Variants in TENM1 observed in about 807,000 individuals in gnomAD.
TENM1 encodes the protein teneurin-1.
In TENM1, 35 loss-of-function variants were observed where a neutral mutation model predicts 174.8. The ratio of observed to expected loss-of-function variants is 0.20; its 90% CI spans 0.15 to 0.27. TENM1 has a LOEUF of 0.27. Ranked by LOEUF, TENM1 falls within the 10% of genes least tolerant of loss-of-function variation. The pLI, the probability that TENM1 is intolerant of heterozygous loss-of-function variation, is 1.00. For missense variants in TENM1, 1,633 were observed against 2,130.1 expected (o/e 0.77, Z 4.59); for synonymous variants, 781 against 798.7 (o/e 0.98, Z 0.37).
Position 124,384,208 on chromosome X carries a change from C to T in TENM1, c.6723G>A (p.Leu2241=), listed in dbSNP as rs201176122. ...CAGAAGCCTTATTGTAGGCTTTCTG[C>T]AGCAGGCCATTAGAATTATATTCAA... Residue 2241 remains leucine, a synonymous_variant, in exon 30 of 32, where the codon CTG becomes CTA. Transcript: ENST00000422452. 71 of 1,209,369 alleles carry T rather than the reference C, an allele frequency of 5.9e-5. 1 individual carries two copies. In the East Asian group the frequency reaches 1.9e-3, roughly 32 times the overall value.
At chrX:125,053,624 G>A in the TENM1 span, among the ~76,000 whole-genome samples, 1 of 111,908 alleles carries the variant, frequency 8.9e-6, no homozygotes, top group African/African-American at 3.2e-5. Flanking sequence ...TTCAACCAGA[G>A]TAGCTTTTAT....
intron 1 of TENM1, among the ~76,000 whole-genome samples, chrX:124,920,508 C>T (rs986986080): frequency 1.8e-5 from 2 of 111,406 alleles, no homozygotes; most frequent in African/African-American, 6.5e-5. Context: ...TGCACTCTTG[C>T]TTTATTCTTT....
intron 5 of TENM1, among the ~76,000 whole-genome samples, chrX:124,689,733 G>A (rs528923895): frequency 1.4e-4 from 16 of 110,690 alleles, no homozygotes; most frequent in African/African-American, 4.6e-4. Flanking sequence ...CCTAATGGAT[G>A]GATGAAACCA....
At chrX:124,391,038 A>T (rs1362947774) in intron 28 of TENM1, among the ~76,000 whole-genome samples, 1 of 112,041 alleles carries the variant, frequency 8.9e-6, no homozygotes, top group African/African-American at 3.2e-5. Flanking sequence ...TTCTCCAGCA[A>T]CAAACTCTGG....
At chrX:125,104,183 G>T in the TENM1 span, among the ~76,000 whole-genome samples, 2 of 111,464 alleles carry the variant, frequency 1.8e-5, no homozygotes. Context: ...CCTTGATCAA[G>T]GTACTTAACC....
intron 5 of TENM1, among the ~76,000 whole-genome samples, chrX:124,680,497 G>A (rs1381326608): frequency 9.0e-6 from 1 of 110,607 alleles, no homozygotes; most frequent in Non-Finnish European, 1.9e-5. Context: ...ATTTGCAGTT[G>A]CATAACGGGC....
intron 4 of TENM1, among the ~76,000 whole-genome samples, chrX:124,732,665 A>G (rs1377191392): frequency 3.6e-5 from 4 of 112,097 alleles, no homozygotes; most frequent in African/African-American, 1.3e-4. Context: ...GCAATGGGAC[A>G]TGCAGCTGAA....
At chrX:124,631,021 A>C (rs1479882650) in intron 11 of TENM1, among the ~76,000 whole-genome samples, 1 of 112,352 alleles carries the variant, frequency 8.9e-6, no homozygotes, top group Non-Finnish European at 1.9e-5. Context: ...TACTTTCTTC[A>C]TACAGGACTT....
At chrX:124,453,313 T>G in intron 23 of TENM1, 24 bp downstream of exon 26, 4 of 1,183,975 alleles carry the variant, frequency 3.4e-6, no homozygotes, top group Non-Finnish European at 1.1e-6. Context: ...ATGACAATAA[T>G]ACTTGAAAAC....
chrX:124,561,802 A>G, exon 14 of TENM1: 1 of 1,210,624 alleles, frequency 8.3e-7, no homozygotes, highest in Non-Finnish European at 1.1e-6. Flanking sequence ...TCCAAAGCAG[A>G]GCCCTGGGCA....
chrX:125,158,099 A>AAT, the TENM1 span, among the ~76,000 whole-genome samples: 4 of 110,893 alleles, frequency 3.6e-5, no homozygotes, highest in African/African-American at 1.3e-4. Context: ...GTAATAAACA[A>AAT]ATATATATAT....
At chrX:125,030,716 A>C in the TENM1 span, among the ~76,000 whole-genome samples, 2 of 112,053 alleles carry the variant, frequency 1.8e-5, no homozygotes, top group Non-Finnish European at 3.8e-5. Context: ...AAAATGTCTA[A>C]ATGTTAAAAT....
chrX:124,673,514 G>A (rs2051976870), intron 5 of TENM1, among the ~76,000 whole-genome samples: 1 of 111,581 alleles, frequency 9.0e-6, no homozygotes, highest in Admixed American at 9.6e-5. Flanking sequence ...GTAGTAGTAT[G>A]GAGAAGAATG....
At chrX:124,874,779 C>G (rs1451276194) in intron 3 of TENM1, among the ~76,000 whole-genome samples, 1 of 110,995 alleles carries the variant, frequency 9.0e-6, no homozygotes, top group Non-Finnish European at 1.9e-5. Context: ...TGTCTCAACA[C>G]TTTTCATAAA....
intron 11 of TENM1, among the ~76,000 whole-genome samples, chrX:124,631,055 G>A (rs1244354169): frequency 8.9e-6 from 1 of 111,871 alleles, no homozygotes; most frequent in African/African-American, 3.3e-5. Flanking sequence ...ACCTGTTTGA[G>A]CTCACAATTT....
chrX:124,609,298 C>G (rs1402482287), intron 11 of TENM1, among the ~76,000 whole-genome samples: 1 of 110,893 alleles, frequency 9.0e-6, no homozygotes, highest in Admixed American at 9.6e-5. Flanking sequence ...CTGACATAGT[C>G]GCTGAAGAAA....
chrX:124,573,580 C>CT (rs747510891), intron 11 of TENM1, among the ~76,000 whole-genome samples: 7 of 111,778 alleles, frequency 6.3e-5, no homozygotes, highest in Non-Finnish European at 1.3e-4. Flanking sequence ...GGAGATATTA[C>CT]TTAACCTAAC....
chrX:124,413,111 GAC>G (rs2060555009), intron 25 of TENM1, among the ~76,000 whole-genome samples: 1 of 112,035 alleles, frequency 8.9e-6, no homozygotes, highest in Admixed American at 9.4e-5. Flanking sequence ...AAGAAGCATA[GAC>G]AGTTTTTCAA....
chrX:125,120,458 G>GCTCT, the TENM1 span, among the ~76,000 whole-genome samples: 5 of 110,309 alleles, frequency 4.5e-5, no homozygotes, highest in Non-Finnish European at 9.5e-5. Context: ...TTTACCTAAT[G>GCTCT]CCCTCCCCCA....
Sources: gnomAD v4.1 joint callset for allele counts (sites outside exome capture counted in the v4.1 genomes callset) on GRCh38, gnomAD v4.1.1 for gene constraint, MANE v1.5 for transcripts, NCBI Gene and HGNC (gene_info 2026-07-23, HGNC 2026-07-21) for gene names.